The following OR51B5 variants were observed in gnomAD, a reference collection of about 807,000 sequenced individuals.
OR51B5 encodes olfactory receptor 51B5.
For synonymous variants in OR51B5, 186 were observed against 144.8 expected, an observed-to-expected ratio of 1.28 and a Z score of -2.04; for missense variants, 456 against 374.6, an observed-to-expected ratio of 1.22 and a Z score of -1.79.
At chr11:5,374,545 G>A (rs1034757061) in intron 1 of OR51B5, among the ~76,000 whole-genome samples, 5 of 151,982 alleles carry the variant, frequency 3.3e-5, no homozygotes, top group Non-Finnish European at 5.9e-5. Context: ...AGCTACAGGA[G>A]GAAATTCAAA....
intron 1 of OR51B5, among the ~76,000 whole-genome samples, chr11:5,429,360 C>CT: frequency 6.6e-6 from 1 of 152,084 alleles, no homozygotes; most frequent in Non-Finnish European, 1.5e-5. Flanking sequence ...TACAAACACA[C>CT]TAAGTATTTC....
intron 1 of OR51B5, among the ~76,000 whole-genome samples, chr11:5,395,228 C>T (rs1029788780): frequency 4.6e-5 from 7 of 152,154 alleles, no homozygotes; most frequent in African/African-American, 1.7e-4. Context: ...AGAGAGACAG[C>T]TTTATAAGTG....
chr11:5,449,495 A>T (rs538455627), intron 1 of OR51B5: 1 of 152,580 alleles, frequency 6.6e-6, no homozygotes, highest in Admixed American at 6.5e-5. Flanking sequence ...TGATAGAAGC[A>T]TCTTAGTAGA....
chr11:5,470,002 T>A (rs1479636790), intron 1 of OR51B5, among the ~76,000 whole-genome samples: 1 of 152,244 alleles, frequency 6.6e-6, no homozygotes, highest in East Asian at 1.9e-4. Flanking sequence ...GAATGTCACA[T>A]TCCTCCACAC....
At chr11:5,403,775 G>A (rs1312418313) in intron 1 of OR51B5, among the ~76,000 whole-genome samples, 1 of 152,046 alleles carries the variant, frequency 6.6e-6, no homozygotes, top group African/African-American at 2.4e-5. Flanking sequence ...TGTGGTATGA[G>A]GTTTTCTTCA....
chr11:5,352,302 T>C, intron 1 of OR51B5: 1 of 1,614,208 alleles, frequency 6.2e-7, no homozygotes, highest in Non-Finnish European at 8.5e-7. Flanking sequence ...TTGGAAAGCA[T>C]GTTCCTCATG....
At chr11:5,351,601 G>C in intron 1 of OR51B5, 2 of 1,614,070 alleles carry the variant, frequency 1.2e-6, no homozygotes. Context: ...ATTATTGGCA[G>C]CCTACATCTC....
At chr11:5,423,563 A>C (rs2647571) in intron 1 of OR51B5, among the ~76,000 whole-genome samples, 64,943 of 151,996 alleles carry the variant, frequency 0.43, 14,227 homozygotes, top group East Asian at 0.7. Flanking sequence ...TTAGGTAAAC[A>C]TTAGATCTTC....
chr11:5,483,285 C>T (rs1208399276), intron 1 of OR51B5, among the ~76,000 whole-genome samples: 2 of 136,020 alleles, frequency 1.5e-5, no homozygotes, highest in Non-Finnish European at 3.1e-5. Context: ...CATATTCTCA[C>T]TCATAGGTGG....
chr11:5,464,279 A>C (rs1005420996), intron 1 of OR51B5, among the ~76,000 whole-genome samples: 2 of 152,238 alleles, frequency 1.3e-5, no homozygotes, highest in African/African-American at 4.8e-5. Context: ...AGAATTAGAA[A>C]GTTAAGGTTG....
intron 1 of OR51B5, among the ~76,000 whole-genome samples, chr11:5,378,495 T>A (rs183231079): frequency 0.058 from 8,745 of 152,082 alleles, 313 homozygotes; most frequent in Middle Eastern, 0.15. Context: ...TCTGCACAGC[T>A]AAAGAAACTA....
At chr11:5,462,223 T>A (rs1357070196) in intron 1 of OR51B5, among the ~76,000 whole-genome samples, 1 of 152,118 alleles carries the variant, frequency 6.6e-6, no homozygotes, top group Non-Finnish European at 1.5e-5. Context: ...CTCAGAATAA[T>A]TATAGTAGGA....
At chr11:5,483,508 T>TAAAAAA (rs373550440) in intron 1 of OR51B5, among the ~76,000 whole-genome samples, 10,028 of 93,888 alleles carry the variant, frequency 0.11, 417 homozygotes, top group East Asian at 0.13. Flanking sequence ...AAAGTATAAT[T>TAAAAAA]AAAAAAAAAA....
chr11:5,474,059 T>C (rs1049407268), intron 1 of OR51B5, among the ~76,000 whole-genome samples: 1 of 152,154 alleles, frequency 6.6e-6, no homozygotes, highest in Non-Finnish European at 1.5e-5. Flanking sequence ...ATTTGAGATT[T>C]GACTGATTTA....
chr11:5,408,556 A>G (rs1850097244), intron 1 of OR51B5, among the ~76,000 whole-genome samples: 1 of 152,174 alleles, frequency 6.6e-6, no homozygotes, highest in Non-Finnish European at 1.5e-5. Flanking sequence ...GTCTGGTGCT[A>G]TTAGCTAGAG....
chr11:5,342,784 CAGGACACAGCAGATATGG>C, exon 1 of OR51B5: 1 of 1,613,384 alleles, frequency 6.2e-7, no homozygotes, highest in Non-Finnish European at 8.5e-7. Context: ...CATAAAAAAC[CAGGACACAGCAGATATGG>C]GAGACACAGG....
chr11:5,500,611 C>A (rs112375937), intron 1 of OR51B5, among the ~76,000 whole-genome samples: 5 of 148,172 alleles, frequency 3.4e-5, no homozygotes, highest in African/African-American at 9.7e-5. Context: ...TCGACGAGGA[C>A]ATCTTTCCAG....
chr11:5,495,091 A>T (rs1851629693), intron 1 of OR51B5, among the ~76,000 whole-genome samples: 1 of 152,156 alleles, frequency 6.6e-6, no homozygotes, highest in African/African-American at 2.4e-5. Flanking sequence ...AAACAAGAAT[A>T]CCTTTGTGGG....
At chr11:5,477,800 G>C (rs12283823) in intron 1 of OR51B5, among the ~76,000 whole-genome samples, 5,074 of 152,232 alleles carry the variant, frequency 0.033, 276 homozygotes, top group African/African-American at 0.12. Context: ...TGCGCTTTTC[G>C]GACTGGCTTA....
Sources: gnomAD v4.1 joint callset for allele counts (sites outside exome capture counted in the v4.1 genomes callset) on GRCh38, gnomAD v4.1.1 for gene constraint, MANE v1.5 for transcripts, NCBI Gene and HGNC (gene_info 2026-07-23, HGNC 2026-07-21) for gene names.